Variants in RPS4Y2 observed in about 807,000 individuals in gnomAD.
RPS4Y2 encodes ribosomal protein S4 Y-linked 2.
In RPS4Y2, 6 loss-of-function variants were observed where a neutral mutation model predicts 5.0. That is an observed-to-expected ratio of 1.20 (90% CI 0.66 to 2.37). The LOEUF (loss-of-function observed/expected upper bound fraction) is 2.37. Ranked by LOEUF, RPS4Y2 falls within the 30% of genes most tolerant of loss-of-function variation. The probability of loss-of-function intolerance (pLI) is 0.00; values close to 1 mark genes in which losing one functional copy is unlikely to be tolerated. For synonymous variants in RPS4Y2, 19 were observed against 19.9 expected (o/e 0.96, Z 0.12); for missense variants, 80 against 59.5 (o/e 1.34, Z -1.13).
rs1351667080 is a variant in RPS4Y2 at position 20,761,320 on chromosome Y, G to A, written c.299G>A (p.Arg100His). 7.6e-6 allele frequency: 3 copies of A among 394,995 alleles called. No homozygotes were observed. The highest frequency in any genetic ancestry group is 1.1e-5 in the Non-Finnish European group (3 of 280,129). ...ATTGAGAAAACAGGTGAGCATTTCC[G>A]CCTGGTCTATAATACCAAGGGCTGT... ...ISIEKTGEHF[R>H]LVYNTKGCFA... The change falls in exon 4 of 7, where the codon CGC becomes CAC. Residue 100 changes from arginine to histidine, a missense_variant. Transcript: ENST00000629237.
intron 1 of RPS4Y2, 28 bp from the exon 2 acceptor site, chrY:20,756,750 C>G: frequency 2.6e-6 from 1 of 378,473 alleles, no homozygotes; most frequent in Non-Finnish European, 3.8e-6. Flanking sequence ...AGACGAGTTT[C>G]TCTGAAAAAG....
chrY:20,768,853 C>T lies in RPS4Y2; in HGVS notation c.409C>T (p.Pro137Ser). 1 of 391,205 alleles carries T rather than the reference C, an allele frequency of 2.6e-6. No individual in the cohort carries two copies. Among genetic ancestry groups the T allele is most frequent in the Non-Finnish European group, 3.6e-6 (1 of 276,678 alleles). The change falls in exon 5 of 7, where the codon CCA (proline) becomes TCA (serine). Residue 137 changes from proline to serine, a missense_variant. Coordinates refer to ENST00000629237, the MANE Select transcript of RPS4Y2 (RefSeq NM_001039567.3). ...GATTACTGTGGGGACAAAGGGAATTCCACACCTGGTGACTCATGATGCTCG... is the reference window on the plus strand; with the variant it reads ...GATTACTGTGGGGACAAAGGGAATTTCACACCTGGTGACTCATGATGCTCG... The part of the protein sequence containing the change: ...RKITVGTKGI[P>S]HLVTHDARTI...
In RPS4Y2 at chrY:20,768,983, T is replaced by C; in HGVS notation, c.532+7T>C. 1 of 363,987 alleles carries C rather than the reference T, an allele frequency of 2.7e-6. No individual in the cohort carries two copies. Among genetic ancestry groups the C allele is most frequent in the Non-Finnish European group, 3.9e-6 (1 of 256,981 alleles). 90.8% of individuals were successfully genotyped at this position (363,987 alleles called of 400,897 possible). On this transcript the variant is annotated splice_region_variant and intron_variant, in intron 5 of 6. Transcript: ENST00000629237. ...TTTATCAAATTTGACACAGGTAAGG[T>C]TTTTTTTGTTGTTTTTTTTTTCCCT... is the stretch of plus-strand genomic sequence containing the variant.
At chrY:20,779,800 C>A in intron 6 of RPS4Y2, 134 bp downstream of exon 6, 1 of 173,929 alleles carries the variant, frequency 5.7e-6, no homozygotes, top group Non-Finnish European at 1.0e-5. Flanking sequence ...GTGCAGCAAG[C>A]TCTGTATTTA....
intron 6 of RPS4Y2, 55 bp downstream of exon 6, chrY:20,779,721 A>G: frequency 3.3e-6 from 1 of 300,038 alleles, no homozygotes; most frequent in East Asian, 9.5e-5. Flanking sequence ...TAAAAAATGT[A>G]AAGACCTGCA....
At chrY:20,756,686 A>G in intron 1 of RPS4Y2, 92 bp from the exon 2 acceptor site, 1 of 235,652 alleles carries the variant, frequency 4.2e-6, no homozygotes, top group Non-Finnish European at 7.2e-6. Context: ...CCGATCCGGT[A>G]TTACCCGTTA....
At chrY:20,780,865 T>C in intron 6 of RPS4Y2, 66 bp from the exon 7 acceptor site, 1 of 220,287 alleles carries the variant, frequency 4.5e-6, no homozygotes, top group Non-Finnish European at 7.7e-6. Flanking sequence ...TCCCTCCAGC[T>C]TTCTTTCGTC....
chrY:20,779,746 T>C, intron 6 of RPS4Y2, 80 bp downstream of exon 6: 1 of 260,556 alleles, frequency 3.8e-6, no homozygotes, highest in Non-Finnish European at 6.2e-6. Flanking sequence ...CTGTTGGTGT[T>C]TGTCTGTTTG....
chrY:20,768,723 T>A (rs751459297), intron 4 of RPS4Y2, 82 bp from the exon 5 acceptor site: 1 of 233,225 alleles, frequency 4.3e-6, no homozygotes, highest in Non-Finnish European at 7.4e-6. Context: ...TGTTGAAAAT[T>A]GGTGGGATTA....
chrY:20,756,921 G>A, intron 2 of RPS4Y2, 66 bp downstream of exon 2: 2 of 275,500 alleles, frequency 7.3e-6, no homozygotes, highest in African/African-American at 7.1e-5. Context: ...TTGCTATTTC[G>A]TGGGAACACT....
rs758884927 is a variant in RPS4Y2, at chrY:20,780,973, C to T, written c.733C>T (p.Arg245Ter). ...WISLPRGKGI[R>*]LTIAEERDKR... The stretch of plus-strand genomic sequence containing the variant: ...TTCCCTGCCCAGGGGAAAGGGCATC[C>T]GACTTACTATTGCTGAAGAGAGAGA... Residue 245 changes from arginine (R) to a stop codon, truncating the protein, a stop_gained, in exon 7 of 7, where the codon CGA becomes TGA. Transcript: ENST00000629237. LOFTEE classifies it high-confidence loss of function. The T allele has an allele frequency of 3.0e-5, 12 of 395,107 alleles. No homozygotes were observed. Among genetic ancestry groups the T allele is most frequent in the South Asian group, 2.4e-4 (8 of 33,569 alleles).
At position 20,779,683 on chromosome Y, in the gene RPS4Y2, C is replaced by A; in HGVS notation, c.690+17C>A. Reference sequence around the variant, plus strand: ...ATTGGCAATGTAAGACTTGCACTCTCTTTACTACTTTCTAAGAAGACTCAC... The same window carrying A: ...ATTGGCAATGTAAGACTTGCACTCTATTTACTACTTTCTAAGAAGACTCAC... On this transcript the variant is annotated intron_variant, in intron 6 of 6. Transcript: ENST00000629237. The A allele has an allele frequency of 2.6e-6, 1 of 377,757 alleles. No homozygotes were observed. The highest frequency in any genetic ancestry group is 3.8e-6 in the Non-Finnish European group (1 of 264,420). 94.2% of individuals were successfully genotyped at this position (377,757 alleles called of 400,897 possible).
intron 4 of RPS4Y2, 87 bp downstream of exon 4, chrY:20,761,468 T>C: frequency 5.2e-6 from 1 of 192,653 alleles, no homozygotes; most frequent in Non-Finnish European, 9.8e-6. Context: ...GAATAGTGCC[T>C]ATCTCTGCCT....
Position 20,759,881 on chromosome Y carries a change from C to G in RPS4Y2, c.95C>G (p.Ser32Trp). 1 of 398,475 alleles carries G rather than the reference C, an allele frequency of 2.5e-6. No homozygotes were observed. The highest frequency in any genetic ancestry group is 3.5e-6 in the Non-Finnish European group (1 of 283,179). The change falls in exon 3 of 7, where the codon TCG (serine) becomes TGG (tryptophan). Residue 32 changes from serine (S) to tryptophan (W), a missense_variant. By Grantham distance (177) the Ser-to-Trp change is radical. Transcript: ENST00000629237. ...KLTGVFAPRP[S>W]TGPHKLRECL... ...TGTCTTCTACAGGCACCTCGTCCAT[C>G]GACAGGTCCTCACAAGCTGAGGGAA...
In RPS4Y2 at chrY:20,779,501, C is replaced by T; in HGVS notation, c.533-8C>T. On this transcript the variant is annotated splice_polypyrimidine_tract_variant and splice_region_variant and intron_variant, in intron 5 of 6. Coordinates refer to ENST00000629237, the MANE Select transcript of RPS4Y2 (RefSeq NM_001039567.3). ...ACTCCTCTCCTGTTTATTTTCCTTT[C>T]CCTCTAGGCAATGTATGTATGGTGA... is the stretch of plus-strand genomic sequence containing the variant. 2.6e-6 allele frequency: 1 copy of T among 385,209 alleles called. No homozygotes were observed. Among genetic ancestry groups the T allele is most frequent in the Non-Finnish European group, 3.6e-6 (1 of 275,052 alleles).
In RPS4Y2 at chrY:20,760,063, C is replaced by A; in HGVS notation, c.262+15C>A. On this transcript the variant is annotated intron_variant, in intron 3 of 6. Coordinates refer to ENST00000629237, the MANE Select transcript of RPS4Y2 (RefSeq NM_001039567.3). ...TGGATTCATAGGTAAGGAAAGAGTT[C>A]TTTGTTTTGAAGAAGGAACAGGTTG... is the stretch of plus-strand genomic sequence containing the variant. 5.2e-6 allele frequency: 2 copies of A among 387,304 alleles called. No individual in the cohort carries two copies. The highest frequency in any genetic ancestry group is 7.3e-6 in the Non-Finnish European group (2 of 273,071).
At position 20,761,319 on chromosome Y, in the gene RPS4Y2, C is replaced by T. The variant is rs746235827; in HGVS notation, c.298C>T (p.Arg100Cys). 4.3e-5 allele frequency: 17 copies of T among 395,065 alleles called. No homozygotes were observed. Among genetic ancestry groups the T allele is most frequent in the East Asian group, 9.2e-5 (1 of 10,843 alleles). ...ISIEKTGEHF[R>C]LVYNTKGCFA... ...CATTGAGAAAACAGGTGAGCATTTC[C>T]GCCTGGTCTATAATACCAAGGGCTG... The change falls in exon 4 of 7, where the codon CGC (arginine) becomes TGC (cysteine). Residue 100 changes from arginine to cysteine, a missense_variant. Coordinates refer to ENST00000629237, the MANE Select transcript of RPS4Y2 (RefSeq NM_001039567.3).
In RPS4Y2 at chrY:20,756,146, C is replaced by A; in HGVS notation, c.-18C>A. 2.5e-6 allele frequency: 1 copy of A among 397,122 alleles called. No homozygotes were observed. The highest frequency in any genetic ancestry group is 3.0e-5 in the South Asian group (1 of 33,748). Reference sequence around the variant, plus strand: ...GCACCGTAAAAGGAGAGGTTCTGTTCCGTCGCGGGATTTCGCCATGGTAAG... The same window carrying A: ...GCACCGTAAAAGGAGAGGTTCTGTTACGTCGCGGGATTTCGCCATGGTAAG... On this transcript the variant is annotated 5_prime_UTR_variant, in exon 1 of 7. Transcript: ENST00000629237.
At chrY:20,779,706 C>T in intron 6 of RPS4Y2, 40 bp downstream of exon 6, 1 of 350,410 alleles carries the variant, frequency 2.9e-6, no homozygotes, top group Non-Finnish European at 4.2e-6. Flanking sequence ...TAAGAAGACT[C>T]ACCCTAAAAA....
Sources: gnomAD v4.1 joint callset for allele counts on GRCh38, gnomAD v4.1.1 for gene constraint, MANE v1.5 for transcripts, NCBI Gene and HGNC (gene_info 2026-07-23, HGNC 2026-07-21) for gene names.